Variants in CLNK observed in about 807,000 individuals in gnomAD.
The protein encoded by CLNK is cytokine-dependent hematopoietic cell linker.
Under a neutral mutation model 68.6 loss-of-function variants are expected in CLNK, and 74 were observed. That is an observed-to-expected ratio of 1.08 (90% CI 0.89 to 1.31). CLNK has a LOEUF of 1.31. Among genes scored for constraint, CLNK ranks in the 50% most tolerant of loss-of-function variants. The pLI, the probability that CLNK is intolerant of heterozygous loss-of-function variation, is 0.00. For synonymous variants in CLNK, 198 were observed against 172.2 expected, an observed-to-expected ratio of 1.15 and a Z score of -1.17; for missense variants, 553 against 515.3, an observed-to-expected ratio of 1.07 and a Z score of -0.71.
the CLNK span, among the ~76,000 whole-genome samples, chr4:10,691,492 G>T: frequency 6.6e-6 from 1 of 152,066 alleles, no homozygotes; most frequent in Non-Finnish European, 1.5e-5. Context: ...TTCCAGCTCA[G>T]CATAGCTATG....
intron 2 of CLNK, among the ~76,000 whole-genome samples, chr4:10,624,581 C>T (rs1403467315): frequency 4.0e-5 from 6 of 148,946 alleles, no homozygotes; most frequent in Admixed American, 1.4e-4. Flanking sequence ...CGTGAGCCAC[C>T]GCGCCCGGCC....
At chr4:10,728,520 C>T in the CLNK span, among the ~76,000 whole-genome samples, 1 of 151,442 alleles carries the variant, frequency 6.6e-6, no homozygotes, top group Admixed American at 6.6e-5. Flanking sequence ...GTACCTTTAC[C>T]AAAGAACTGC....
At chr4:10,529,237 T>C (rs1254665226) in intron 12 of CLNK, among the ~76,000 whole-genome samples, 5 of 152,226 alleles carry the variant, frequency 3.3e-5, no homozygotes, top group Admixed American at 3.3e-4. Flanking sequence ...TCTATAAGTA[T>C]GTGCATATAT....
At chr4:10,527,808 C>G (rs1249535761) in intron 13 of CLNK, among the ~76,000 whole-genome samples, 1 of 152,140 alleles carries the variant, frequency 6.6e-6, no homozygotes, top group Non-Finnish European at 1.5e-5. Context: ...CAGAGGGTGA[C>G]AGTGTAATGC....
intron 3 of CLNK, among the ~76,000 whole-genome samples, chr4:10,595,385 G>C (rs17383186): frequency 0.063 from 9,641 of 152,206 alleles, 411 homozygotes; most frequent in African/African-American, 0.12. Context: ...TTATAGACAT[G>C]AGGAAACAGT....
At chr4:10,537,698 C>CTTTCTTT (rs1560206954) in intron 11 of CLNK, among the ~76,000 whole-genome samples, 8 of 12,964 alleles carry the variant, frequency 6.2e-4, no homozygotes, top group Admixed American at 1.7e-3. Context: ...TTCCTTCCTT[C>CTTTCTTT]CTTCCTTCCT....
rs149277561 is a variant in CLNK at position 10,663,503 on chromosome 4, G to A, written c.11+4356C>T. Reference sequence around the variant, plus strand: ...AAATGTATACTCAATAAATAAATTTGTATATGATTTATGTATACTCAATAA... The same window carrying A: ...AAATGTATACTCAATAAATAAATTTATATATGATTTATGTATACTCAATAA... On this transcript the variant is annotated intron_variant, in intron 2 of 18. Coordinates refer to ENST00000226951, the MANE Select transcript of CLNK (RefSeq NM_052964.4). 2.6e-3 allele frequency among the ~76,000 whole-genome samples: 398 copies of A among 152,166 alleles called. 6 individuals carry two copies. In the Middle Eastern group the frequency reaches 0.031, roughly 12 times the overall value.
chr4:10,689,294 C>G (rs35755918), upstream of CLNK, among the ~76,000 whole-genome samples: 56,018 of 151,694 alleles, frequency 0.37, 10,437 homozygotes, highest in Admixed American at 0.41. Flanking sequence ...GACACTGTAC[C>G]AGGCTAACTT....
chr4:10,544,557 C>T (rs973652385), intron 8 of CLNK, among the ~76,000 whole-genome samples: 1 of 151,998 alleles, frequency 6.6e-6, no homozygotes, highest in Admixed American at 6.6e-5. Context: ...GCTGGGGCTA[C>T]TGTGTTTTAG....
chr4:10,721,173 GCT>G, the CLNK span, among the ~76,000 whole-genome samples: 1 of 71,846 alleles, frequency 1.4e-5, no homozygotes, highest in Admixed American at 1.4e-4. Flanking sequence ...GGAGGTGGGG[GCT>G]CTGAGGAGGG....
At chr4:10,704,648 C>T in the CLNK span, among the ~76,000 whole-genome samples, 13 of 152,244 alleles carry the variant, frequency 8.5e-5, no homozygotes, top group South Asian at 2.5e-3. Context: ...CAGGACATGG[C>T]AGCTCTGCCC....
chr4:10,663,244 GAAGTTTA>G (rs1253549883), intron 2 of CLNK, among the ~76,000 whole-genome samples: 4 of 152,214 alleles, frequency 2.6e-5, no homozygotes, highest in African/African-American at 9.6e-5. Flanking sequence ...GAGGCTTTCT[GAAGTTTA>G]ATGGATTGCT....
chr4:10,678,853 G>A (rs1340969983), intron 1 of CLNK, among the ~76,000 whole-genome samples: 3 of 152,140 alleles, frequency 2.0e-5, no homozygotes, highest in African/African-American at 7.2e-5. Context: ...ACTGCTCAAT[G>A]AAATAAAAGA....
intron 17 of CLNK, among the ~76,000 whole-genome samples, chr4:10,502,645 T>C (rs747800360): frequency 6.6e-6 from 1 of 151,884 alleles, no homozygotes; most frequent in Non-Finnish European, 1.5e-5. Flanking sequence ...GAAAAAACTT[T>C]TACCTAATAA....
At chr4:10,526,380 G>A (rs926855427) in intron 13 of CLNK, among the ~76,000 whole-genome samples, 4 of 152,038 alleles carry the variant, frequency 2.6e-5, no homozygotes, top group Admixed American at 2.0e-4. Context: ...TCTAATGAAA[G>A]GAAACAGAAA....
At chr4:10,508,751 T>A (rs1717423103) in intron 16 of CLNK, among the ~76,000 whole-genome samples, 1 of 152,104 alleles carries the variant, frequency 6.6e-6, no homozygotes, top group African/African-American at 2.4e-5. Flanking sequence ...CTACAGCACA[T>A]CTTTGAAGTA....
chr4:10,542,222 G>T, intron 9 of CLNK, 33 bp downstream of exon 9: 2 of 1,400,768 alleles, frequency 1.4e-6, no homozygotes, highest in Non-Finnish European at 2.0e-6. Context: ...AGTAAATAAT[G>T]AATAACAAAT....
intron 18 of CLNK, among the ~76,000 whole-genome samples, chr4:10,495,100 A>T (rs1716753715): frequency 1.3e-5 from 2 of 152,086 alleles, no homozygotes; most frequent in South Asian, 4.1e-4. Context: ...GTGTGAAAAA[A>T]ACCCATGGGT....
At chr4:10,640,396 C>A (rs948643566) in intron 2 of CLNK, among the ~76,000 whole-genome samples, 1 of 152,194 alleles carries the variant, frequency 6.6e-6, no homozygotes, top group Non-Finnish European at 1.5e-5. Context: ...GAACTCCTGA[C>A]CTCAGGTGAT....
Sources: allele counts gnomAD v4.1 joint callset (sites outside exome capture counted in the v4.1 genomes callset), GRCh38; gene constraint gnomAD v4.1.1; transcripts MANE v1.5; gene names NCBI Gene and HGNC (gene_info 2026-07-23, HGNC 2026-07-21).